NCOR1: variants seen among roughly 807,000 people sequenced by gnomAD.
NCOR1 encodes nuclear receptor corepressor 1.
NCOR1 carries 63 observed loss-of-function variants against 288.1 expected under a neutral mutation model. That is an observed-to-expected ratio of 0.22 (90% CI 0.18 to 0.27). NCOR1 has a LOEUF of 0.27. Among genes scored for constraint, NCOR1 ranks in the 10% least tolerant of loss-of-function variants. NCOR1 has a pLI of 1.00. For missense variants in NCOR1, 2,397 were observed against 3,019.2 expected (o/e 0.79, Z 4.83); for synonymous variants, 1,007 against 1,065.9 (o/e 0.94, Z 1.08).
chr17:16,162,028 G>A (rs151066822), intron 5 of NCOR1, among the ~76,000 whole-genome samples: 2 of 151,916 alleles, frequency 1.3e-5, no homozygotes, highest in East Asian at 3.8e-4. Context: ...AATCAAACCA[G>A]TAAAGACTTA....
At chr17:16,195,508 T>A (rs2089589741) in intron 1 of NCOR1, among the ~76,000 whole-genome samples, 1 of 152,018 alleles carries the variant, frequency 6.6e-6, no homozygotes, top group South Asian at 2.1e-4. Flanking sequence ...AACAAAGCCA[T>A]CTTCATTATA....
rs757758289 is a variant in NCOR1, at chr17:16,080,057, T to C, written c.3408A>G (p.Ala1136=). The part of the protein sequence containing the change: ...AQHEGVVRGT[A]GAIQEGSITR... Reference sequence around the variant, plus strand: ...TTATACTTCCTTCTTGTATGGCTCCTGCGGTACCTGAATACAAACAAAGCT... The same window carrying C: ...TTATACTTCCTTCTTGTATGGCTCCCGCGGTACCTGAATACAAACAAAGCT... Residue 1136 remains alanine (A), a synonymous_variant, in exon 26 of 46, where the codon GCA becomes GCG. Coordinates refer to ENST00000268712, the MANE Select transcript of NCOR1 (RefSeq NM_006311.4). 1.2e-6 allele frequency: 2 copies of C among 1,613,700 alleles called. No homozygotes were observed. Among genetic ancestry groups the C allele is most frequent in the Non-Finnish European group, 1.7e-6 (2 of 1,179,750 alleles).
chr17:16,039,947 C>G, intron 43 of NCOR1: 1 of 405,214 alleles, frequency 2.5e-6, no homozygotes, highest in South Asian at 2.1e-5. Context: ...CCCACCACCA[C>G]ACCAGGCTAA....
At chr17:16,154,382 T>C (rs577151359) in intron 6 of NCOR1, among the ~76,000 whole-genome samples, 1 of 152,368 alleles carries the variant, frequency 6.6e-6, no homozygotes, top group South Asian at 2.1e-4. Flanking sequence ...CGGTATGTTC[T>C]ATGTGCCAAG....
intron 15 of NCOR1, among the ~76,000 whole-genome samples, chr17:16,124,571 G>GA (rs1359885738): frequency 1.3e-5 from 2 of 152,032 alleles, no homozygotes; most frequent in Admixed American, 6.6e-5. Flanking sequence ...AGTTCTTGGG[G>GA]AAAAAAACAA....
chr17:16,098,447 T>C lies in NCOR1; in HGVS notation c.2740A>G (p.Ile914Val), dbSNP rs777372984. The change falls in exon 21 of 46, where the codon ATA becomes GTA. Residue 914 changes from isoleucine to valine, a missense_variant. By Grantham distance (29) the Ile-to-Val change is conservative. Around this residue, in one of 11 missense-constraint regions of NCOR1, gnomAD observed 1,872 missense variants for 2,187.8 expected, o/e 0.86. Coordinates refer to ENST00000268712, the MANE Select transcript of NCOR1 (RefSeq NM_006311.4). ...KPSLLNPTGSILVSSPLKPNP... is the reference protein window; with the variant it reads ...KPSLLNPTGSVLVSSPLKPNP... ...GGTTTTAACGGAGATGAGACGAGTA[T>C]AGATCCAGTGGGGTTTAACAGTGAA... is the stretch of plus-strand genomic sequence containing the variant. 24 of 1,613,798 alleles carry C rather than the reference T, an allele frequency of 1.5e-5. No homozygotes were observed. The South Asian group carries it at 2.2e-4, about 15-fold the overall frequency.
rs2059668656 is a variant in NCOR1, at chr17:16,054,311, A to G, written c.6392+3203T>C. 2.0e-5 allele frequency among the ~76,000 whole-genome samples: 3 copies of G among 152,226 alleles called. No individual in the cohort carries two copies. The South Asian group carries it at 6.2e-4, about 31-fold the overall frequency. Reference sequence around the variant, plus strand: ...AAATTTTGCAAACTATGCACCTGACAAAGGTCTAATATCCAGCATGTATAA... The same window carrying G: ...AAATTTTGCAAACTATGCACCTGACGAAGGTCTAATATCCAGCATGTATAA... On this transcript the variant is annotated intron_variant, in intron 40 of 45. Transcript: ENST00000268712.
intron 14 of NCOR1, among the ~76,000 whole-genome samples, chr17:16,136,783 G>C (rs2076472179): frequency 1.4e-5 from 2 of 148,116 alleles, no homozygotes; most frequent in Non-Finnish European, 3.0e-5. Flanking sequence ...CTCCAGCCTG[G>C]GCGACAGAGC....
intron 11 of NCOR1, among the ~76,000 whole-genome samples, chr17:16,139,834 A>G (rs1404121190): frequency 6.6e-6 from 1 of 152,168 alleles, no homozygotes; most frequent in Non-Finnish European, 1.5e-5. Context: ...ACAAACTTCT[A>G]TTTAAAAGCT....
chr17:16,141,701 C>T (rs1247181668), intron 11 of NCOR1, among the ~76,000 whole-genome samples: 1 of 152,172 alleles, frequency 6.6e-6, no homozygotes, highest in East Asian at 1.9e-4. Context: ...AGTAATTTTT[C>T]ATGAGATCAA....
At chr17:16,120,143 C>CATTT (rs1334508246) in intron 16 of NCOR1, among the ~76,000 whole-genome samples, 2 of 152,120 alleles carry the variant, frequency 1.3e-5, no homozygotes, top group Non-Finnish European at 2.9e-5. Flanking sequence ...TCTTGCCTCC[C>CATTT]ATTTACCACT....
intron 1 of NCOR1, among the ~76,000 whole-genome samples, chr17:16,206,705 A>G (rs143944800): frequency 6.0e-4 from 92 of 152,194 alleles, no homozygotes; most frequent in Non-Finnish European, 7.6e-4. Context: ...ATCTTCATGT[A>G]CTAGAAATGG....
intron 15 of NCOR1, among the ~76,000 whole-genome samples, chr17:16,123,427 CTCTAG>C (rs1422194949): frequency 1.3e-5 from 2 of 152,188 alleles, no homozygotes; most frequent in Non-Finnish European, 2.9e-5. Context: ...TGATTCATAT[CTCTAG>C]TCTATTCATT....
At chr17:16,208,172 C>T (rs546599542) in intron 1 of NCOR1, among the ~76,000 whole-genome samples, 1 of 141,194 alleles carries the variant, frequency 7.1e-6, no homozygotes, top group East Asian at 2.0e-4. Flanking sequence ...TCCTGAGTAG[C>T]TGGGACTACA....
chr17:16,196,641 C>G (rs146873336), intron 1 of NCOR1, among the ~76,000 whole-genome samples: 2,884 of 151,624 alleles, frequency 0.019, 37 homozygotes, highest in Non-Finnish European at 0.028. Flanking sequence ...CTGGCTAACG[C>G]GGTGAAACCC....
intron 22 of NCOR1, chr17:16,087,218 G>A (rs763973157): frequency 2.3e-5 from 30 of 1,304,098 alleles, no homozygotes; most frequent in Non-Finnish European, 3.0e-5. Context: ...GCTGTGGAGC[G>A]GCTTTACTGA....
chr17:16,206,855 A>G (rs147391006), intron 1 of NCOR1, among the ~76,000 whole-genome samples: 2,740 of 152,270 alleles, frequency 0.018, 87 homozygotes, highest in African/African-American at 0.062. Context: ...AACTGGAAGA[A>G]TATGCAACAA....
intron 18 of NCOR1, among the ~76,000 whole-genome samples, chr17:16,115,383 T>C (rs1016195274): frequency 6.6e-6 from 1 of 152,256 alleles, no homozygotes; most frequent in African/African-American, 2.4e-5. Context: ...TCATTACTTA[T>C]GCAAATTCCT....
rs2090062549 is a variant in NCOR1, at chr17:16,197,496, C to A, written c.-70-2857G>T. On this transcript the variant is annotated intron_variant, in intron 1 of 45. Transcript: ENST00000268712. The stretch of plus-strand genomic sequence containing the variant: ...CAGCCTGTTTTTTCCCTGCTCCCTT[C>A]CTGAGGCATGGAGATCAGCAAATCT... Among the ~76,000 whole-genome samples, 3 of 152,222 alleles carry A rather than the reference C, an allele frequency of 2.0e-5. No homozygotes were observed. In the South Asian group the frequency reaches 6.2e-4, roughly 32 times the overall value.
Sources: gnomAD v4.1 joint callset for allele counts (sites outside exome capture counted in the v4.1 genomes callset) on GRCh38, gnomAD v4.1.1 for gene constraint, gnomAD v4.1.1 regional missense constraint, MANE v1.5 for transcripts, NCBI Gene and HGNC (gene_info 2026-07-23, HGNC 2026-07-21) for gene names.